The following NRG1 variants were observed in gnomAD, a reference collection of about 807,000 sequenced individuals.
NRG1 encodes neuregulin 1, also known as pro-neuregulin-1, membrane-bound isoform.
Under a neutral mutation model 63.8 loss-of-function variants are expected in NRG1, and 18 were observed. That is an observed-to-expected ratio of 0.28 (90% CI 0.19 to 0.42). NRG1 has a LOEUF of 0.42. Among genes scored for constraint, NRG1 ranks in the 10% least tolerant of loss-of-function variants. The probability of loss-of-function intolerance (pLI) is 1.00; values close to 1 mark genes in which losing one functional copy is unlikely to be tolerated. For synonymous variants in NRG1, 302 were observed against 301.3 expected, an observed-to-expected ratio of 1.00 and a Z score of -0.02; for missense variants, 762 against 814.7, an observed-to-expected ratio of 0.94 and a Z score of 0.79.
intron 1 of NRG1, 95 bp downstream of exon 1, chr8:32,548,921 C>A: frequency 7.1e-7 from 1 of 1,410,974 alleles, no homozygotes; most frequent in Non-Finnish European, 9.4e-7. Flanking sequence ...CTCCCCCTCT[C>A]CCTCGCCCGT....
intron 5 of NRG1, among the ~76,000 whole-genome samples, chr8:32,709,289 CTCAGCTCTCTTA>C (rs1319670517): frequency 2.6e-5 from 4 of 152,136 alleles, no homozygotes; most frequent in African/African-American, 9.7e-5. Context: ...TGCCATGTGC[CTCAGCTCTCTTA>C]TCACCGAAGT....
chr8:32,685,069 C>T (rs1472359951), intron 5 of NRG1, among the ~76,000 whole-genome samples: 3 of 152,022 alleles, frequency 2.0e-5, no homozygotes, highest in African/African-American at 7.2e-5. Context: ...AAGATATTGA[C>T]CTTGATTCAG....
chr8:31,823,143 G>C (rs76029352), intron 1 of NRG1, among the ~76,000 whole-genome samples: 1 of 49,772 alleles, frequency 2.0e-5, no homozygotes, highest in Non-Finnish European at 4.0e-5. Flanking sequence ...TTTTTTTTTG[G>C]TAGTTCTTGC....
intron 1 of NRG1, among the ~76,000 whole-genome samples, chr8:32,353,268 T>G (rs1393902229): frequency 4.7e-5 from 7 of 150,432 alleles, no homozygotes; most frequent in Non-Finnish European, 3.0e-5. Context: ...TTATATTAAT[T>G]TTGTACCTAT....
chr8:32,175,721 T>C (rs1396867377), intron 1 of NRG1, among the ~76,000 whole-genome samples: 2 of 152,104 alleles, frequency 1.3e-5, no homozygotes, highest in African/African-American at 4.8e-5. Flanking sequence ...ATGAGTGAAC[T>C]CCCATTCACA....
At chr8:31,765,266 T>C (rs921857590) in intron 1 of NRG1, among the ~76,000 whole-genome samples, 2 of 152,120 alleles carry the variant, frequency 1.3e-5, no homozygotes, top group African/African-American at 4.8e-5. Context: ...GAAAAACCTG[T>C]CATCTGGAAG....
At chr8:31,766,852 C>T (rs1274886471) in intron 1 of NRG1, among the ~76,000 whole-genome samples, 2 of 152,082 alleles carry the variant, frequency 1.3e-5, no homozygotes, top group African/African-American at 4.8e-5. Context: ...CGATCTTGCT[C>T]CTTGGAGCAG....
intron 7 of NRG1, among the ~76,000 whole-genome samples, chr8:32,745,769 A>G (rs1827318141): frequency 6.6e-6 from 1 of 152,068 alleles, no homozygotes; most frequent in African/African-American, 2.4e-5. Context: ...AAAAAGAAAA[A>G]GCACCCACAC....
rs542634061 is a variant in NRG1, at chr8:32,699,574, TA to T, written c.503-28371del. 1.4e-3 allele frequency among the ~76,000 whole-genome samples: 207 copies of T among 152,334 alleles called. 1 individual carries two copies. Among genetic ancestry groups the T allele is most frequent in the African/African-American group, 4.7e-3 (197 of 41,580 alleles). On this transcript the variant is annotated intron_variant, in intron 5 of 11. Transcript: ENST00000356819. ...CAGATGTAATTTTATATTAAGACTT[TA>T]AAAGAATGGAAAAATGGCTTCAAAC...
At chr8:31,750,441 C>T (rs1213086483) in intron 1 of NRG1, among the ~76,000 whole-genome samples, 2 of 151,882 alleles carry the variant, frequency 1.3e-5, no homozygotes, top group Non-Finnish European at 2.9e-5. Context: ...GTCACATACA[C>T]CCACACTCTC....
At chr8:32,159,458 C>T (rs1214447088) in intron 1 of NRG1, among the ~76,000 whole-genome samples, 2 of 146,776 alleles carry the variant, frequency 1.4e-5, no homozygotes, top group Non-Finnish European at 3.0e-5. Context: ...GGCGTGAACC[C>T]AGGAAGCGGT....
chr8:31,963,925 G>A (rs913453140), intron 1 of NRG1, among the ~76,000 whole-genome samples: 3 of 152,138 alleles, frequency 2.0e-5, no homozygotes, highest in Non-Finnish European at 4.4e-5. Flanking sequence ...TTTTCTGTAG[G>A]CAAGTTTGAT....
intron 5 of NRG1, among the ~76,000 whole-genome samples, chr8:32,678,052 T>C (rs1286008192): frequency 6.6e-6 from 1 of 152,228 alleles, no homozygotes; most frequent in Admixed American, 6.5e-5. Context: ...TGGTTTTTGA[T>C]CACATTATAT....
intron 1 of NRG1, among the ~76,000 whole-genome samples, chr8:32,174,512 A>C (rs1360940328): frequency 6.6e-6 from 1 of 152,202 alleles, no homozygotes; most frequent in Non-Finnish European, 1.5e-5. Flanking sequence ...ATAGAGACAC[A>C]AAAAACCCTT....
chr8:32,048,115 G>A (rs540571104), intron 1 of NRG1, among the ~76,000 whole-genome samples: 3 of 151,610 alleles, frequency 2.0e-5, no homozygotes, highest in African/African-American at 7.3e-5. Flanking sequence ...ATTTTATTTT[G>A]TATATGTAAC....
intron 1 of NRG1, among the ~76,000 whole-genome samples, chr8:31,881,926 G>C (rs1043339408): frequency 6.6e-6 from 1 of 152,144 alleles, no homozygotes. Context: ...GTGCAAGGTG[G>C]TGCAGCAAAT....
intron 1 of NRG1, among the ~76,000 whole-genome samples, chr8:31,682,683 A>G (rs1325081150): frequency 6.6e-6 from 1 of 152,118 alleles, no homozygotes; most frequent in African/African-American, 2.4e-5. Context: ...TCTCATAGAT[A>G]AAATACTGTC....
chr8:32,675,636 C>T (rs1474619804), intron 5 of NRG1, among the ~76,000 whole-genome samples: 3 of 152,036 alleles, frequency 2.0e-5, no homozygotes, highest in Non-Finnish European at 4.4e-5. Context: ...TATTGAGCAA[C>T]AGCTATATTC....
chr8:32,088,941 T>C (rs73676604), intron 1 of NRG1, among the ~76,000 whole-genome samples: 2,783 of 152,318 alleles, frequency 0.018, 90 homozygotes, highest in African/African-American at 0.063. Context: ...TAAAGCCTGC[T>C]TCACATTTCT....
Sources: gnomAD v4.1 joint callset for allele counts (sites outside exome capture counted in the v4.1 genomes callset) on GRCh38, gnomAD v4.1.1 for gene constraint, MANE v1.5 for transcripts, NCBI Gene and HGNC (gene_info 2026-07-23, HGNC 2026-07-21) for gene names.